Variants in RPS6KC1 observed in about 807,000 individuals in gnomAD.
RPS6KC1 encodes the protein ribosomal protein S6 kinase C1, also known as inactive ribosomal protein S6 kinase delta-1.
Under a neutral mutation model 103.8 loss-of-function variants are expected in RPS6KC1, and 54 were observed. The observed-to-expected ratio is 0.52, with a 90% CI of 0.42 to 0.65. The LOEUF (loss-of-function observed/expected upper bound fraction) is 0.65, where lower values mean the gene tolerates loss of function less well. RPS6KC1 is among the 30% of genes least tolerant of loss of function. The pLI, the probability that RPS6KC1 is intolerant of heterozygous loss-of-function variation, is 0.00. For synonymous variants in RPS6KC1, 439 were observed against 438.7 expected, an observed-to-expected ratio of 1.00 and a Z score of -0.01; for missense variants, 1,151 against 1,253.8, an observed-to-expected ratio of 0.92 and a Z score of 1.24.
At chr1:213,419,422 T>C in the RPS6KC1 span, among the ~76,000 whole-genome samples, 1 of 152,218 alleles carries the variant, frequency 6.6e-6, no homozygotes, top group African/African-American at 2.4e-5. Context: ...TCCTACCTAG[T>C]ATTATCTCAT....
At chr1:213,549,942 T>C in the RPS6KC1 span, among the ~76,000 whole-genome samples, 1 of 151,862 alleles carries the variant, frequency 6.6e-6, no homozygotes, top group East Asian at 1.9e-4. Context: ...GCTTCTAGGG[T>C]ATTCAGGCCA....
At chr1:213,698,731 CTTGGTTTTCTT>C in the RPS6KC1 span, among the ~76,000 whole-genome samples, 2 of 151,856 alleles carry the variant, frequency 1.3e-5, no homozygotes, top group Admixed American at 6.6e-5. Flanking sequence ...GTCCCTTGTT[CTTGGTTTTCTT>C]TTTGGGGAAC....
the RPS6KC1 span, among the ~76,000 whole-genome samples, chr1:213,752,252 C>T: frequency 2.6e-5 from 4 of 152,012 alleles, no homozygotes; most frequent in African/African-American, 9.7e-5. Context: ...TTGACCTAGA[C>T]TAGGGTCGGC....
chr1:213,798,773 C>T, the RPS6KC1 span, among the ~76,000 whole-genome samples: 2 of 152,202 alleles, frequency 1.3e-5, no homozygotes, highest in Non-Finnish European at 2.9e-5. Flanking sequence ...TTGGGTGAAG[C>T]GTGCCTCACG....
At chr1:213,831,591 G>T in the RPS6KC1 span, among the ~76,000 whole-genome samples, 9 of 152,116 alleles carry the variant, frequency 5.9e-5, no homozygotes, top group Non-Finnish European at 1.3e-4. Context: ...CACAATAGCA[G>T]GAGGAAACTA....
At chr1:213,432,225 C>T in the RPS6KC1 span, among the ~76,000 whole-genome samples, 1 of 152,174 alleles carries the variant, frequency 6.6e-6, no homozygotes, top group African/African-American at 2.4e-5. Flanking sequence ...AAATATCTTT[C>T]CCCATTCCGT....
rs1022574789 is a variant in RPS6KC1 at position 213,051,627 on chromosome 1, G to T, written c.105+118G>T. The T allele has an allele frequency of 7.1e-6, 5 of 700,746 alleles. 1 individual carries two copies. The South Asian group carries it at 9.0e-5, about 13-fold the overall frequency. The allele number at this position is 700,746 out of a possible 1,614,324, so 43.4% of individuals were successfully genotyped here. On this transcript the variant is annotated intron_variant, in intron 1 of 14. Coordinates refer to ENST00000366960, the MANE Select transcript of RPS6KC1 (RefSeq NM_012424.6). ...AGAGCCGAGGGTGGGACTGGGTGCT[G>T]CTCCTACTGGCGGGACTTGGGTGTC...
chr1:213,734,989 T>C, the RPS6KC1 span, among the ~76,000 whole-genome samples: 2 of 152,206 alleles, frequency 1.3e-5, no homozygotes, highest in African/African-American at 4.8e-5. Flanking sequence ...AGTGGCTTGA[T>C]CTCGGCTCAC....
At chr1:213,167,014 A>G (rs1336539928) in intron 6 of RPS6KC1, among the ~76,000 whole-genome samples, 6 of 151,890 alleles carry the variant, frequency 4.0e-5, no homozygotes, top group Non-Finnish European at 2.9e-5. Flanking sequence ...GGCAGTTCCT[A>G]CTCCTCTTAT....
At chr1:213,581,967 C>G in the RPS6KC1 span, among the ~76,000 whole-genome samples, 1 of 151,964 alleles carries the variant, frequency 6.6e-6, no homozygotes. Context: ...ATCCGTCAGA[C>G]TTCCTCTGTG....
intron 3 of RPS6KC1, among the ~76,000 whole-genome samples, 190 bp downstream of exon 3, chr1:213,078,006 CT>C (rs1456192585): frequency 2.6e-5 from 4 of 152,128 alleles, no homozygotes; most frequent in African/African-American, 9.7e-5. Context: ...TATATTTACT[CT>C]TCCTATCTAT....
At chr1:213,706,781 G>C in the RPS6KC1 span, among the ~76,000 whole-genome samples, 64 of 152,092 alleles carry the variant, frequency 4.2e-4, no homozygotes, top group South Asian at 7.9e-3. Flanking sequence ...TCTCACTTAT[G>C]AGTGAGAACA....
At chr1:213,848,091 G>A in the RPS6KC1 span, among the ~76,000 whole-genome samples, 1 of 151,918 alleles carries the variant, frequency 6.6e-6, no homozygotes, top group Non-Finnish European at 1.5e-5. Context: ...ATCCAGATTG[G>A]GTAGACCTCA....
At chr1:213,747,598 A>G in the RPS6KC1 span, among the ~76,000 whole-genome samples, 2 of 152,236 alleles carry the variant, frequency 1.3e-5, no homozygotes, top group Non-Finnish European at 2.9e-5. Context: ...ACTAACCAAT[A>G]TATGGAATAT....
chr1:213,379,480 G>A, the RPS6KC1 span, among the ~76,000 whole-genome samples: 1 of 152,182 alleles, frequency 6.6e-6, no homozygotes, highest in Non-Finnish European at 1.5e-5. Flanking sequence ...AGCTTGGGGA[G>A]AGGCCTGGAA....
chr1:213,587,309 G>A, the RPS6KC1 span, among the ~76,000 whole-genome samples: 3 of 152,188 alleles, frequency 2.0e-5, no homozygotes, highest in Non-Finnish European at 4.4e-5. Flanking sequence ...GGAAGGCAGG[G>A]CAGCCCTATA....
chr1:213,436,335 T>C, the RPS6KC1 span, among the ~76,000 whole-genome samples: 1 of 152,230 alleles, frequency 6.6e-6, no homozygotes, highest in Non-Finnish European at 1.5e-5. Flanking sequence ...TAAAACATTT[T>C]CATCCCTATA....
chr1:213,754,208 T>C, the RPS6KC1 span, among the ~76,000 whole-genome samples: 1 of 152,228 alleles, frequency 6.6e-6, no homozygotes, highest in South Asian at 2.1e-4. Context: ...GCCAGCATGG[T>C]TGAGTTCTGG....
the RPS6KC1 span, among the ~76,000 whole-genome samples, chr1:213,316,555 A>G: frequency 1.3e-5 from 2 of 152,218 alleles, no homozygotes. Flanking sequence ...ATTGCTAGGG[A>G]TATAAGAGAG....
Sources: allele counts gnomAD v4.1 joint callset (sites outside exome capture counted in the v4.1 genomes callset), GRCh38; gene constraint gnomAD v4.1.1; transcripts MANE v1.5; gene names NCBI Gene and HGNC (gene_info 2026-07-23, HGNC 2026-07-21).